The following SEMA6A variants were observed in gnomAD, a reference collection of about 807,000 sequenced individuals.
SEMA6A encodes the protein semaphorin-6A.
In SEMA6A, 25 loss-of-function variants were observed where a neutral mutation model predicts 96.8. The ratio of observed to expected loss-of-function variants is 0.26; its 90% CI spans 0.19 to 0.36. The LOEUF (loss-of-function observed/expected upper bound fraction) is 0.36. SEMA6A is among the 10% of genes least tolerant of loss of function. The pLI is 1.00. For synonymous variants in SEMA6A, 612 were observed against 518.0 expected (o/e 1.18, Z -2.46); for missense variants, 1,363 against 1,323.1 (o/e 1.03, Z -0.47).
chr5:116,480,577 G>T (rs1318850588), intron 11 of SEMA6A, among the ~76,000 whole-genome samples: 1 of 152,118 alleles, frequency 6.6e-6, no homozygotes, highest in African/African-American at 2.4e-5. Flanking sequence ...AAACAAGTGA[G>T]TGAGTGTGGT....
At chr5:116,537,126 CACACACAT>C (rs927938327) in intron 1 of SEMA6A, among the ~76,000 whole-genome samples, 2 of 152,206 alleles carry the variant, frequency 1.3e-5, no homozygotes, top group Non-Finnish European at 2.9e-5. Context: ...GCAACAGTTA[CACACACAT>C]GCACACATGC....
intron 2 of SEMA6A, chr5:116,502,778 G>A (rs933082575): frequency 8.2e-5 from 13 of 158,464 alleles, no homozygotes; most frequent in Non-Finnish European, 1.4e-4. Flanking sequence ...GTCTGGAGGC[G>A]AGAGCCCTTG....
Position 116,480,202 on chromosome 5 carries a change from G to T in SEMA6A, c.1170C>A (p.Asn390Lys), listed in dbSNP as rs753374062. Residue 390 changes from asparagine (N) to lysine (K), a missense_variant, in exon 12 of 19, where the codon AAC (asparagine) becomes AAA (lysine). By Grantham distance (94) the Asn-to-Lys change is moderately conservative. Transcript: ENST00000343348. The part of the protein sequence containing the change: ...TSNEFPDDTL[N>K]FIKTHPLMDE... ...CCATGAGCGGGTGCGTCTTGATGAA[G>T]TTCAGGGTATCATCAGGGAACTCAT... 1 of 1,613,848 alleles carries T rather than the reference G, an allele frequency of 6.2e-7. No individual in the cohort carries two copies. Among genetic ancestry groups the T allele is most frequent in the Non-Finnish European group, 8.5e-7 (1 of 1,179,780 alleles).
At chr5:116,455,130 A>G (rs142407973) in intron 18 of SEMA6A, among the ~76,000 whole-genome samples, 12 of 152,166 alleles carry the variant, frequency 7.9e-5, no homozygotes, top group Non-Finnish European at 1.6e-4. Flanking sequence ...ATTCTATTTC[A>G]TTTTTTTAGA....
chr5:116,510,262 A>C (rs988892458), intron 1 of SEMA6A, among the ~76,000 whole-genome samples: 2 of 152,140 alleles, frequency 1.3e-5, no homozygotes, highest in African/African-American at 4.8e-5. Context: ...TGAGTTTTAC[A>C]CTAAATCTAA....
chr5:116,521,839 C>A (rs1758964050), intron 1 of SEMA6A, among the ~76,000 whole-genome samples: 1 of 151,516 alleles, frequency 6.6e-6, no homozygotes, highest in African/African-American at 2.4e-5. Flanking sequence ...GACTGACTAC[C>A]CTTTCACTAA....
intron 1 of SEMA6A, among the ~76,000 whole-genome samples, chr5:116,559,958 C>T (rs552137926): frequency 6.6e-6 from 1 of 152,360 alleles, no homozygotes; most frequent in Non-Finnish European, 1.5e-5. Context: ...GCACCCTGGG[C>T]AGAGCCCTCC....
intron 17 of SEMA6A, among the ~76,000 whole-genome samples, chr5:116,470,255 T>C (rs1458115431): frequency 6.6e-6 from 1 of 152,194 alleles, no homozygotes; most frequent in Non-Finnish European, 1.5e-5. Flanking sequence ...ATTTTTAAGG[T>C]TGTATTATTT....
intron 18 of SEMA6A, chr5:116,449,861 T>A (rs2112582641): frequency 6.6e-6 from 1 of 152,608 alleles, no homozygotes; most frequent in Middle Eastern, 3.4e-3. Flanking sequence ...TTTCAAATAT[T>A]TCCAGATTTA....
At chr5:116,543,590 G>A (rs1760063615) in intron 1 of SEMA6A, among the ~76,000 whole-genome samples, 1 of 152,122 alleles carries the variant, frequency 6.6e-6, no homozygotes. Flanking sequence ...TTCACAACGT[G>A]GTCAAGACTG....
intron 18 of SEMA6A, among the ~76,000 whole-genome samples, chr5:116,450,625 T>G (rs1369621472): frequency 1.2e-4 from 18 of 152,224 alleles, no homozygotes; most frequent in Non-Finnish European, 5.9e-5. Context: ...GGATGATATT[T>G]GAGTTCAGGT....
At chr5:116,449,447 T>C in intron 18 of SEMA6A, 1 of 676,374 alleles carries the variant, frequency 1.5e-6, no homozygotes, top group South Asian at 1.6e-5. Flanking sequence ...CTCTACCCCT[T>C]CCCAAGCCCA....
chr5:116,515,135 G>A (rs994518600), intron 1 of SEMA6A, among the ~76,000 whole-genome samples: 1 of 152,150 alleles, frequency 6.6e-6, no homozygotes, highest in Non-Finnish European at 1.5e-5. Flanking sequence ...GCCAGGCCAA[G>A]ACAGCAGCGT....
At chr5:116,526,444 C>G (rs1341646410) in intron 1 of SEMA6A, among the ~76,000 whole-genome samples, 1 of 152,098 alleles carries the variant, frequency 6.6e-6, no homozygotes, top group African/African-American at 2.4e-5. Context: ...CATTAGTGAA[C>G]CTGGCAAGGG....
rs1759825398 is a variant in SEMA6A, at chr5:116,538,530, T to C, written c.-38-33548A>G. On this transcript the variant is annotated intron_variant, in intron 1 of 18. Transcript: ENST00000343348. ...ATGTTTTCCAAGGTACTTCTAGCCCTATTATTTTACATATGTCTTGAAGAT... is the reference window on the plus strand; with the variant it reads ...ATGTTTTCCAAGGTACTTCTAGCCCCATTATTTTACATATGTCTTGAAGAT... Among the ~76,000 whole-genome samples the C allele has an allele frequency of 5.9e-5, 9 of 152,198 alleles. No homozygotes were observed. The South Asian group carries it at 1.9e-3, about 32-fold the overall frequency.
intron 10 of SEMA6A, among the ~76,000 whole-genome samples, chr5:116,486,385 T>C (rs189842165): frequency 6.6e-6 from 1 of 152,270 alleles, no homozygotes; most frequent in East Asian, 1.9e-4. Flanking sequence ...ACTGACTACT[T>C]AGACCAGGTA....
chr5:116,542,959 T>C (rs1446952902), intron 1 of SEMA6A, among the ~76,000 whole-genome samples: 1 of 152,186 alleles, frequency 6.6e-6, no homozygotes, highest in African/African-American at 2.4e-5. Flanking sequence ...AGCATCATTA[T>C]TTTCCATTTG....
chr5:116,465,907 C>T (rs1755702505), intron 18 of SEMA6A, among the ~76,000 whole-genome samples: 1 of 152,042 alleles, frequency 6.6e-6, no homozygotes, highest in Admixed American at 6.6e-5. Context: ...AGGACTAGCA[C>T]ATCTGAGGTC....
chr5:116,478,035 T>G lies in SEMA6A; in HGVS notation c.1547A>C (p.Glu516Ala), dbSNP rs1489408043. ...CVIKVPLGRCERHGKCKKTCI... is the reference protein window; with the variant it reads ...CVIKVPLGRCARHGKCKKTCI... ...ATACTTTTTACACTTCCCATGTCGT[T>G]CACACCGGCCAAGGGGAACCTTTAT... Residue 516 changes from glutamate (E) to alanine (A), a missense_variant, in exon 14 of 19, where the codon GAA (glutamate) becomes GCA (alanine). Physicochemically the swap from Glu to Ala is moderately radical, Grantham distance 107. Transcript: ENST00000343348. 2 of 1,613,984 alleles carry G rather than the reference T, an allele frequency of 1.2e-6. No individual in the cohort carries two copies. Among genetic ancestry groups the G allele is most frequent in the Admixed American group, 3.3e-5 (2 of 60,014 alleles).
Sources: allele counts gnomAD v4.1 joint callset (sites outside exome capture counted in the v4.1 genomes callset), GRCh38; gene constraint gnomAD v4.1.1; transcripts MANE v1.5; gene names NCBI Gene and HGNC (gene_info 2026-07-23, HGNC 2026-07-21).